C8orf34: variants seen among roughly 807,000 people sequenced by gnomAD.
C8orf34 encodes chromosome 8 open reading frame 34.
Under a neutral mutation model 68.3 loss-of-function variants are expected in C8orf34, and 65 were observed. The ratio of observed to expected loss-of-function variants is 0.95; its 90% confidence interval spans 0.78 to 1.17. The LOEUF is 1.17. Among genes scored for constraint, C8orf34 ranks in the 50% most tolerant of loss-of-function variants. C8orf34 has a pLI of 0.00. For synonymous variants in C8orf34, 244 were observed against 241.2 expected, an observed-to-expected ratio of 1.01 and a Z score of -0.11; for missense variants, 664 against 655.4, an observed-to-expected ratio of 1.01 and a Z score of -0.14.
intron 7 of C8orf34, among the ~76,000 whole-genome samples, chr8:68,563,762 A>C (rs897131424): frequency 6.6e-6 from 1 of 152,130 alleles, no homozygotes; most frequent in Non-Finnish European, 1.5e-5. Flanking sequence ...TGTCCTCAAA[A>C]TTTTCATAGA....
Position 68,384,334 on chromosome 8 carries a change from T to C in C8orf34, c.327+52995T>C, listed in dbSNP as rs558926482. Among the ~76,000 whole-genome samples the C allele has an allele frequency of 1.8e-3, 271 of 152,324 alleles. 1 individual carries two copies. The highest frequency in any genetic ancestry group is 7.3e-3 in the South Asian group (35 of 4,826). ...GCCAGTTTAGTGTTGAAAGTACTAA[T>C]ATCTTGCTGTTTGCATCACTTCTTG... On this transcript the variant is annotated intron_variant, in intron 1 of 13. Transcript: ENST00000518698.
chr8:68,476,683 A>G (rs1439462964), intron 4 of C8orf34, among the ~76,000 whole-genome samples: 1 of 152,208 alleles, frequency 6.6e-6, no homozygotes, highest in Non-Finnish European at 1.5e-5. Flanking sequence ...GGAAAACCAT[A>G]CATATTTATG....
chr8:68,537,814 A>T lies in C8orf34; in HGVS notation c.1105+4665A>T, dbSNP rs1345361268. ...CTTCACTTTTGTTTTTTTCAGCAAA[A>T]TATCAAAACATTTGCAAATCGTAGA... On this transcript the variant is annotated intron_variant, in intron 7 of 13. Transcript: ENST00000518698. Among the ~76,000 whole-genome samples the T allele has an allele frequency of 2.0e-5, 3 of 152,014 alleles. No homozygotes were observed. In the East Asian group the frequency reaches 5.8e-4, roughly 29 times the overall value.
intron 10 of C8orf34, among the ~76,000 whole-genome samples, chr8:68,725,626 C>G (rs1821807250): frequency 6.6e-6 from 1 of 152,156 alleles, no homozygotes; most frequent in Admixed American, 6.5e-5. Flanking sequence ...ATCACTTTAT[C>G]CTGACCACTT....
intron 10 of C8orf34, among the ~76,000 whole-genome samples, chr8:68,745,187 A>G (rs886331266): frequency 7.9e-5 from 12 of 152,282 alleles, no homozygotes; most frequent in African/African-American, 2.2e-4. Flanking sequence ...CAAATGCTGA[A>G]AGATTTTGTC....
At chr8:68,541,619 T>C (rs1037526369) in intron 7 of C8orf34, among the ~76,000 whole-genome samples, 7 of 152,242 alleles carry the variant, frequency 4.6e-5, no homozygotes, top group Non-Finnish European at 1.0e-4. Flanking sequence ...GGGGTTTAAA[T>C]GCTTAGTCTT....
intron 10 of C8orf34, among the ~76,000 whole-genome samples, chr8:68,752,922 G>A (rs1317446598): frequency 1.3e-5 from 2 of 152,112 alleles, no homozygotes; most frequent in Non-Finnish European, 2.9e-5. Flanking sequence ...GTTAGCTCTT[G>A]AATTGTGTTT....
At chr8:68,480,926 T>TG (rs1812832353) in intron 4 of C8orf34, among the ~76,000 whole-genome samples, 1 of 152,182 alleles carries the variant, frequency 6.6e-6, no homozygotes, top group Admixed American at 6.5e-5. Flanking sequence ...ACCCATTTTC[T>TG]GGGGAGACAT....
At chr8:68,698,851 C>T (rs1201008457) in intron 8 of C8orf34, among the ~76,000 whole-genome samples, 3 of 151,870 alleles carry the variant, frequency 2.0e-5, no homozygotes, top group Admixed American at 6.6e-5. Context: ...AATTCAATAC[C>T]CAGCAAGTTA....
intron 1 of C8orf34, among the ~76,000 whole-genome samples, chr8:68,402,581 G>C (rs1292483478): frequency 1.3e-5 from 2 of 151,958 alleles, no homozygotes; most frequent in Non-Finnish European, 2.9e-5. Context: ...TGACTGTATT[G>C]CACGGCTTTT....
chr8:68,397,897 T>G (rs1048530860), intron 1 of C8orf34, among the ~76,000 whole-genome samples: 3 of 152,226 alleles, frequency 2.0e-5, no homozygotes, highest in African/African-American at 7.2e-5. Flanking sequence ...GCCTCCTAAG[T>G]AGCTGGGATT....
At chr8:68,670,395 C>T (rs1000522281) in intron 8 of C8orf34, among the ~76,000 whole-genome samples, 8 of 152,124 alleles carry the variant, frequency 5.3e-5, no homozygotes, top group Admixed American at 3.3e-4. Context: ...TAACCAAGAA[C>T]GTTTAACAAC....
At chr8:68,725,935 G>A (rs1317965832) in intron 10 of C8orf34, among the ~76,000 whole-genome samples, 2 of 151,722 alleles carry the variant, frequency 1.3e-5, no homozygotes. Context: ...TTAAGTTGGA[G>A]TCTCACTCTG....
chr8:68,676,367 A>G (rs1820191088), intron 8 of C8orf34, among the ~76,000 whole-genome samples: 1 of 152,116 alleles, frequency 6.6e-6, no homozygotes, highest in Non-Finnish European at 1.5e-5. Flanking sequence ...ACTCTAGAGC[A>G]CCAGATATAT....
At chr8:68,753,551 TTTG>T (rs1822765629) in intron 10 of C8orf34, among the ~76,000 whole-genome samples, 1 of 152,232 alleles carries the variant, frequency 6.6e-6, no homozygotes, top group South Asian at 2.1e-4. Flanking sequence ...GAACTTGATC[TTTG>T]TTATCACAGA....
rs10690187 is a variant in C8orf34 at position 68,798,288 on chromosome 8, C to CTTT, written c.1549+10770_1549+10772dup. ...TACAGGTGTGAAGCATTATGTCTGG[C>CTTT]TTTTTTTTTTTTTTTTTTTTAAACA... On this transcript the variant is annotated intron_variant, in intron 12 of 13. Transcript: ENST00000518698. Among the ~76,000 whole-genome samples, 564 of 124,964 alleles carry CTTT rather than the reference C, an allele frequency of 4.5e-3. 9 individuals carry two copies. Among genetic ancestry groups the CTTT allele is most frequent in the African/African-American group, 0.013 (427 of 32,580 alleles). The allele number at this position is 124,964 out of a possible 152,430, so 82.0% of individuals were successfully genotyped here.
upstream of C8orf34, chr8:68,330,874 C>A: frequency 1.4e-6 from 1 of 708,248 alleles, no homozygotes; most frequent in Non-Finnish European, 2.1e-6. Context: ...GCGTGCGCCC[C>A]TCGACACAGC....
chr8:68,584,085 T>C (rs943755626), intron 7 of C8orf34, among the ~76,000 whole-genome samples: 1 of 152,218 alleles, frequency 6.6e-6, no homozygotes, highest in Non-Finnish European at 1.5e-5. Flanking sequence ...CCTCTCTAGC[T>C]GTGGGTTCAC....
chr8:68,710,503 C>A (rs1821301482), intron 9 of C8orf34, among the ~76,000 whole-genome samples: 1 of 152,136 alleles, frequency 6.6e-6, no homozygotes, highest in Non-Finnish European at 1.5e-5. Context: ...CCTGTGACTG[C>A]TGGCTTTCCC....
Sources: gnomAD v4.1 joint callset for allele counts (sites outside exome capture counted in the v4.1 genomes callset) on GRCh38, gnomAD v4.1.1 for gene constraint, MANE v1.5 for transcripts, NCBI Gene and HGNC (gene_info 2026-07-23, HGNC 2026-07-21) for gene names.